The following SPTB variants were observed in gnomAD, a reference collection of about 807,000 sequenced individuals.
The protein encoded by SPTB is spectrin beta, erythrocytic.
A neutral mutation model predicts 256.2 loss-of-function variants in SPTB; 45 were observed. That is an observed-to-expected ratio of 0.18 (90% CI 0.14 to 0.23). The LOEUF (loss-of-function observed/expected upper bound fraction) is 0.23, where lower values mean the gene tolerates loss of function less well. Among genes scored for constraint, SPTB ranks in the 10% least tolerant of loss-of-function variants. The probability of loss-of-function intolerance (pLI) is 1.00; values close to 1 mark genes in which losing one functional copy is unlikely to be tolerated. For synonymous variants in SPTB, 1,231 were observed against 1,243.1 expected (o/e 0.99, Z 0.21); for missense variants, 2,715 against 3,040.4 (o/e 0.89, Z 2.52).
Position 64,749,197 on chromosome 14 carries a change from G to T in SPTB, c.*109C>A. On this transcript the variant is annotated 3_prime_UTR_variant, in exon 36 of 36. Transcript: ENST00000644917. The surrounding 1 kb of genome is among the most constrained non-coding windows in gnomAD (Gnocchi z 4.7). ...CGTGGGGCCCGGGGGCCCGGCCCGC[G>T]ACTCGACTCATCTCGATTCGACCGG... 1.5e-6 allele frequency: 2 copies of T among 1,374,126 alleles called. No individual in the cohort carries two copies. The highest frequency in any genetic ancestry group is 2.0e-6 in the Non-Finnish European group (2 of 1,009,682). The allele number at this position is 1,374,126 out of a possible 1,614,324, so 85.1% of individuals were successfully genotyped here.
rs1396757266 is a variant in SPTB, at chr14:64,829,792, C to G, written c.-51-6647G>C. ...TCATATGCCTTAGGCACAACTGGAA[C>G]CTAGAATAAAAGTCAACCCCTTCCC... On this transcript the variant is annotated intron_variant, in intron 1 of 35. Coordinates refer to ENST00000644917, the MANE Select transcript of SPTB (RefSeq NM_001355436.2). Among the ~76,000 whole-genome samples the G allele has an allele frequency of 3.3e-5, 5 of 152,130 alleles. No homozygotes were observed. The East Asian group carries it at 9.6e-4, about 29-fold the overall frequency.
At chr14:64,869,782 C>T (rs1882420805) in intron 1 of SPTB, among the ~76,000 whole-genome samples, 1 of 123,094 alleles carries the variant, frequency 8.1e-6, no homozygotes, top group Non-Finnish European at 1.7e-5. Context: ...GCCACGATGC[C>T]CTGCTTTTTT....
At chr14:64,868,015 G>T (rs906009187) in intron 1 of SPTB, among the ~76,000 whole-genome samples, 4 of 152,184 alleles carry the variant, frequency 2.6e-5, no homozygotes, top group African/African-American at 9.7e-5. Context: ...AATGGAGAAG[G>T]AATAAAGCTA....
chr14:64,777,927 A>G lies in SPTB; in HGVS notation c.4563+1230T>C, dbSNP rs1341312897. Reference sequence around the variant, plus strand: ...ATAGCAACTGCCAGCCAGGGGAGTTAAAAACCTTTGAACAATAACACTTAC... The same window carrying G: ...ATAGCAACTGCCAGCCAGGGGAGTTGAAAACCTTTGAACAATAACACTTAC... On this transcript the variant is annotated intron_variant, in intron 22 of 35. Coordinates refer to ENST00000644917, the MANE Select transcript of SPTB (RefSeq NM_001355436.2). The surrounding 1 kb of genome is among the most constrained non-coding windows in gnomAD (Gnocchi z 4.5). Among the ~76,000 whole-genome samples the G allele has an allele frequency of 6.6e-6, 1 of 152,194 alleles. No individual in the cohort carries two copies. The highest frequency in any genetic ancestry group is 2.4e-5 in the African/African-American group (1 of 41,446).
chr14:64,805,374 C>G (rs2082964768), intron 2 of SPTB, among the ~76,000 whole-genome samples: 1 of 152,204 alleles, frequency 6.6e-6, no homozygotes. Flanking sequence ...CTGTATCAGT[C>G]AGACTACTCT....
At chr14:64,787,758 A>T (rs183962641) in intron 15 of SPTB, among the ~76,000 whole-genome samples, 1 of 152,362 alleles carries the variant, frequency 6.6e-6, no homozygotes, top group Non-Finnish European at 1.5e-5. Context: ...CTTCGAGTGC[A>T]GTGTTGCTAT....
At chr14:64,809,215 T>A (rs1360498761) in intron 2 of SPTB, among the ~76,000 whole-genome samples, 2 of 115,416 alleles carry the variant, frequency 1.7e-5, no homozygotes, top group African/African-American at 6.8e-5. Context: ...TGAGCCGAGA[T>A]CCCACCATTG....
In SPTB at chr14:64,777,639, C is replaced by T. The variant is rs1284895145; in HGVS notation, c.4563+1518G>A. On this transcript the variant is annotated intron_variant, in intron 22 of 35. Transcript: ENST00000644917. This position sits in a 1 kb window ranked among gnomAD's most constrained non-coding sequence, Gnocchi z 4.5. ...AAATTATTAGGCTCTACCCCCAGAGCTTGATGCAGTAGGGATCTGGGGGTG... is the reference window on the plus strand; with the variant it reads ...AAATTATTAGGCTCTACCCCCAGAGTTTGATGCAGTAGGGATCTGGGGGTG... 6.6e-6 allele frequency among the ~76,000 whole-genome samples: 1 copy of T among 152,136 alleles called. No homozygotes were observed. The highest frequency in any genetic ancestry group is 1.5e-5 in the Non-Finnish European group (1 of 68,028).
intron 32 of SPTB, chr14:64,755,729 G>C (rs961485283): frequency 1.1e-4 from 16 of 152,062 alleles, no homozygotes; most frequent in African/African-American, 3.9e-4. Context: ...GAGAGGAGGG[G>C]AAATATCTAT....
rs769121154 is a variant in SPTB at position 64,775,383 on chromosome 14, C to T, written c.4584G>A (p.Leu1528=). The T allele has an allele frequency of 1.2e-6, 2 of 1,612,444 alleles. No homozygotes were observed. Among genetic ancestry groups the T allele is most frequent in the Non-Finnish European group, 8.5e-7 (1 of 1,178,924 alleles). The change falls in exon 23 of 36, where the codon CTG becomes CTA. Residue 1528 remains leucine, a synonymous_variant. Coordinates refer to ENST00000644917, the MANE Select transcript of SPTB (RefSeq NM_001355436.2). The surrounding 1 kb of genome is among the most constrained non-coding windows in gnomAD (Gnocchi z 5.0). ...KKNQTLQNEI[L]GHTPRVEDVL... Reference sequence around the variant, plus strand: ...CATCCTCAACCCGCGGCGTATGGCCCAGAATCTCATTCTGCAGTGTCTGCG... The same window carrying T: ...CATCCTCAACCCGCGGCGTATGGCCTAGAATCTCATTCTGCAGTGTCTGCG...
At chr14:64,752,619 T>C (rs1360196842) in intron 33 of SPTB, among the ~76,000 whole-genome samples, 4 of 152,238 alleles carry the variant, frequency 2.6e-5, no homozygotes, top group Admixed American at 2.0e-4. Context: ...AGTCCTAATA[T>C]AATGCCTGGC....
At chr14:64,868,367 T>C (rs1882323959) in intron 1 of SPTB, among the ~76,000 whole-genome samples, 1 of 151,814 alleles carries the variant, frequency 6.6e-6, no homozygotes, top group Admixed American at 6.6e-5. Context: ...CTTGGGGGGA[T>C]GGTGACAACA....
chr14:64,832,480 C>G (rs188608392), intron 1 of SPTB, among the ~76,000 whole-genome samples: 207 of 152,226 alleles, frequency 1.4e-3, no homozygotes, highest in Non-Finnish European at 1.2e-3. Context: ...TCCTGGGCCC[C>G]TCCACTTCTT....
chr14:64,851,679 CAGCCATAAAAAGGA>C (rs1347832538), intron 1 of SPTB, among the ~76,000 whole-genome samples: 1 of 152,156 alleles, frequency 6.6e-6, no homozygotes, highest in East Asian at 1.9e-4. Flanking sequence ...GAATACTATG[CAGCCATAAAAAGGA>C]ATGAGATCAT....
rs2081917706 is a variant in SPTB at position 64,749,905 on chromosome 14, A to G, written c.6776+76T>C. On this transcript the variant is annotated intron_variant, in intron 34 of 35. Transcript: ENST00000644917. This position sits in a 1 kb window ranked among gnomAD's most constrained non-coding sequence, Gnocchi z 4.7. Reference sequence around the variant, plus strand: ...AGCTCAGGCCTGGCACTGGTCCCCTACAGAGGGCCTCTGCCCTGCCACTAA... The same window carrying G: ...AGCTCAGGCCTGGCACTGGTCCCCTGCAGAGGGCCTCTGCCCTGCCACTAA... 8.8e-6 allele frequency: 14 copies of G among 1,592,632 alleles called. No homozygotes were observed. The highest frequency in any genetic ancestry group is 1.0e-5 in the Non-Finnish European group (12 of 1,160,962).
Position 64,758,722 on chromosome 14 carries a change from A to G in SPTB, c.6346-4929T>C, listed in dbSNP as rs571947351. Among the ~76,000 whole-genome samples, 3 of 152,338 alleles carry G rather than the reference A, an allele frequency of 2.0e-5. No homozygotes were observed. Among genetic ancestry groups the G allele is most frequent in the East Asian group, 1.9e-4 (1 of 5,180 alleles). On this transcript the variant is annotated intron_variant, in intron 32 of 35. Transcript: ENST00000644917. The surrounding 1 kb of genome is among the most constrained non-coding windows in gnomAD (Gnocchi z 4.6). The stretch of plus-strand genomic sequence containing the variant: ...GTTCCCATCTGCCCAGGGAAAGTGC[A>G]CAAACAGCAGAGAGCAAGCTGGAGG...
chr14:64,762,243 G>A (rs1364644969), intron 32 of SPTB, among the ~76,000 whole-genome samples: 3 of 152,180 alleles, frequency 2.0e-5, no homozygotes, highest in Non-Finnish European at 4.4e-5. Flanking sequence ...ACAAACATAG[G>A]ATTTGCATTC....
intron 2 of SPTB, among the ~76,000 whole-genome samples, chr14:64,820,926 C>T (rs1354226642): frequency 6.6e-6 from 1 of 152,020 alleles, no homozygotes; most frequent in Non-Finnish European, 1.5e-5. Context: ...CATACACTTA[C>T]CTCAGGATCC....
At chr14:64,766,483 C>T in intron 32 of SPTB, 2 of 1,435,682 alleles carry the variant, frequency 1.4e-6, no homozygotes, top group South Asian at 1.5e-5. Context: ...AACGTCATGT[C>T]ACTGGGCTGG....
Sources: gnomAD v4.1 joint callset for allele counts (sites outside exome capture counted in the v4.1 genomes callset) on GRCh38, gnomAD v4.1.1 for gene constraint, Gnocchi (gnomAD v3.1) non-coding constraint, MANE v1.5 for transcripts, NCBI Gene and HGNC (gene_info 2026-07-23, HGNC 2026-07-21) for gene names.